Variants in SPOCK3 observed in about 807,000 individuals in gnomAD.
The protein encoded by SPOCK3 is SPARC (osteonectin), cwcv and kazal like domains proteoglycan 3.
In SPOCK3, 30 loss-of-function variants were observed where a neutral mutation model predicts 56.6. The observed-to-expected ratio is 0.53, with a 90% CI of 0.40 to 0.72. SPOCK3 has a LOEUF of 0.72. Ranked by LOEUF, SPOCK3 falls within the 30% of genes least tolerant of loss-of-function variation. SPOCK3 has a pLI of 0.00. For synonymous variants in SPOCK3, 196 were observed against 183.3 expected, an observed-to-expected ratio of 1.07 and a Z score of -0.56; for missense variants, 527 against 530.0, an observed-to-expected ratio of 0.99 and a Z score of 0.06.
At chr4:167,040,961 A>G (rs1753185939) in intron 3 of SPOCK3, among the ~76,000 whole-genome samples, 2 of 152,212 alleles carry the variant, frequency 1.3e-5, no homozygotes, top group South Asian at 4.1e-4. Context: ...TAGTGGTAAC[A>G]GCAGCTTTCT....
intron 2 of SPOCK3, among the ~76,000 whole-genome samples, chr4:167,106,578 T>C (rs946590892): frequency 1.3e-5 from 2 of 151,264 alleles, no homozygotes; most frequent in South Asian, 2.1e-4. Context: ...TCTTAAAGAA[T>C]GCATCATTTA....
At chr4:166,741,866 A>G (rs1445287589) in intron 9 of SPOCK3, 131 bp downstream of exon 9, 1 of 671,202 alleles carries the variant, frequency 1.5e-6, no homozygotes, top group East Asian at 2.6e-5. Context: ...GCTTTCAAAA[A>G]GTTCATAAAT....
intron 6 of SPOCK3, among the ~76,000 whole-genome samples, chr4:166,863,785 C>T (rs1579463379): frequency 6.6e-6 from 1 of 152,220 alleles, no homozygotes; most frequent in South Asian, 2.1e-4. Flanking sequence ...ATTCATAAAG[C>T]AAGTTCTTAG....
chr4:167,205,284 A>G (rs1486732436), intron 2 of SPOCK3, among the ~76,000 whole-genome samples: 2 of 51,074 alleles, frequency 3.9e-5, no homozygotes, highest in South Asian at 1.1e-3. Context: ...TATATTATAT[A>G]TATTTTATAT....
intron 7 of SPOCK3, among the ~76,000 whole-genome samples, chr4:166,786,492 A>G (rs1164278663): frequency 6.6e-6 from 1 of 152,186 alleles, no homozygotes; most frequent in Non-Finnish European, 1.5e-5. Context: ...ATGATCCTGG[A>G]TCATGAGATT....
chr4:167,226,906 T>C (rs1378707255), intron 2 of SPOCK3, among the ~76,000 whole-genome samples: 1 of 152,102 alleles, frequency 6.6e-6, no homozygotes, highest in East Asian at 1.9e-4. Context: ...GTCTCCTTTC[T>C]GCAGGAACTT....
intron 3 of SPOCK3, among the ~76,000 whole-genome samples, chr4:167,019,323 G>A (rs1357652222): frequency 6.6e-6 from 1 of 151,848 alleles, no homozygotes; most frequent in African/African-American, 2.4e-5. Context: ...CAAAATAAAA[G>A]GCTAAATTTT....
intron 7 of SPOCK3, among the ~76,000 whole-genome samples, chr4:166,772,771 T>C (rs1192441195): frequency 1.3e-5 from 2 of 152,036 alleles, no homozygotes; most frequent in Non-Finnish European, 2.9e-5. Context: ...CTAAGTGTAG[T>C]CATCTTGAGG....
intron 4 of SPOCK3, among the ~76,000 whole-genome samples, chr4:166,975,094 T>C (rs1192060108): frequency 6.6e-6 from 1 of 152,146 alleles, no homozygotes; most frequent in Admixed American, 6.6e-5. Context: ...CTTTTGTCCA[T>C]GTTAGGGTAC....
chr4:166,782,364 C>T (rs1740274936), intron 7 of SPOCK3, among the ~76,000 whole-genome samples: 1 of 152,044 alleles, frequency 6.6e-6, no homozygotes, highest in Non-Finnish European at 1.5e-5. Context: ...GAGAAATAGA[C>T]AATTACATCT....
chr4:167,083,396 C>T, intron 2 of SPOCK3: 5 of 744,504 alleles, frequency 6.7e-6, no homozygotes, highest in Non-Finnish European at 1.2e-5. Context: ...CTCTAAGTGT[C>T]CCTGTGGCTG....
intron 6 of SPOCK3, among the ~76,000 whole-genome samples, chr4:166,877,948 C>A: frequency 6.6e-6 from 1 of 152,072 alleles, no homozygotes; most frequent in East Asian, 1.9e-4. Context: ...CATCCTGCAT[C>A]ACCTTGGAAA....
At chr4:166,741,877 T>G in intron 9 of SPOCK3, 120 bp downstream of exon 9, 1 of 712,556 alleles carries the variant, frequency 1.4e-6, no homozygotes, top group Non-Finnish European at 2.4e-6. Flanking sequence ...GTTCATAAAT[T>G]TTGTTGCTGA....
chr4:166,917,329 T>C (rs746787259), intron 4 of SPOCK3, among the ~76,000 whole-genome samples: 5 of 152,110 alleles, frequency 3.3e-5, no homozygotes, highest in Admixed American at 2.0e-4. Flanking sequence ...TGCCAATTTA[T>C]GCATTATATA....
intron 2 of SPOCK3, among the ~76,000 whole-genome samples, chr4:167,231,197 T>C (rs911606735): frequency 6.6e-6 from 1 of 152,026 alleles, no homozygotes; most frequent in Non-Finnish European, 1.5e-5. Flanking sequence ...TGCTAAATTG[T>C]ATTTTTAAAT....
At chr4:166,939,429 A>G (rs979818899) in intron 4 of SPOCK3, among the ~76,000 whole-genome samples, 14 of 152,136 alleles carry the variant, frequency 9.2e-5, no homozygotes, top group African/African-American at 2.9e-4. Context: ...CAGATATCAT[A>G]AGAACTTTCT....
intron 6 of SPOCK3, among the ~76,000 whole-genome samples, chr4:166,852,600 C>T (rs1434516730): frequency 6.6e-6 from 1 of 152,154 alleles, no homozygotes; most frequent in Non-Finnish European, 1.5e-5. Context: ...GGATTCTGTC[C>T]AGTCACAAAT....
chr4:166,915,950 C>T (rs1407845248), intron 4 of SPOCK3, among the ~76,000 whole-genome samples: 1 of 152,080 alleles, frequency 6.6e-6, no homozygotes. Flanking sequence ...TGAACATTTT[C>T]AGAAATTGGT....
chr4:166,887,092 C>T (rs532877236), intron 6 of SPOCK3, among the ~76,000 whole-genome samples: 53 of 152,220 alleles, frequency 3.5e-4, no homozygotes, highest in African/African-American at 1.3e-3. Context: ...TTAATATACA[C>T]ACTATACAGA....
Sources: gnomAD v4.1 joint callset for allele counts (sites outside exome capture counted in the v4.1 genomes callset) on GRCh38, gnomAD v4.1.1 for gene constraint, MANE v1.5 for transcripts, NCBI Gene and HGNC (gene_info 2026-07-23, HGNC 2026-07-21) for gene names.